The following SIDT1 variants were observed in gnomAD, a reference collection of about 807,000 sequenced individuals.
The protein encoded by SIDT1 is SID1 transmembrane family member 1, also known as SID1 transmembrane family, member 1.
In SIDT1, 101 loss-of-function variants were observed where a neutral mutation model predicts 107.5. The ratio of observed to expected loss-of-function variants is 0.94; its 90% CI spans 0.80 to 1.11. The LOEUF (loss-of-function observed/expected upper bound fraction) is 1.11. SIDT1 is among the 50% of genes least tolerant of loss of function. SIDT1 has a pLI of 0.00. For missense variants in SIDT1, 1,076 were observed against 1,058.2 expected, an observed-to-expected ratio of 1.02 and a Z score of -0.23; for synonymous variants, 395 against 398.2, an observed-to-expected ratio of 0.99 and a Z score of 0.10.
At chr3:113,602,309 T>G (rs1945013193) in intron 11 of SIDT1, 1 of 152,290 alleles carries the variant, frequency 6.6e-6, no homozygotes, top group African/African-American at 2.4e-5. Flanking sequence ...AATCCTGTAT[T>G]CCTGCCCTAT....
rs2107741518 is a variant in SIDT1, at chr3:113,613,138, G to A, written c.1966+944G>A. Among the ~76,000 whole-genome samples the A allele has an allele frequency of 1.3e-5, 2 of 152,338 alleles. 1 individual carries two copies. The highest frequency in any genetic ancestry group is 4.1e-4 in the South Asian group (2 of 4,826). On this transcript the variant is annotated intron_variant, in intron 19 of 24. Coordinates refer to ENST00000264852, the MANE Select transcript of SIDT1 (RefSeq NM_017699.3). ...TTGTGTCTTAAGGAGTCTCACAAGTGTGCATGTGGCACCTTTGCCCTACAT... is the reference window on the plus strand; with the variant it reads ...TTGTGTCTTAAGGAGTCTCACAAGTATGCATGTGGCACCTTTGCCCTACAT...
At chr3:113,586,316 G>C (rs1354187261) in intron 9 of SIDT1, among the ~76,000 whole-genome samples, 1 of 152,102 alleles carries the variant, frequency 6.6e-6, no homozygotes, top group African/African-American at 2.4e-5. Flanking sequence ...AAGGAAGGAA[G>C]GGCCTAAACA....
At chr3:113,558,807 T>C (rs1482836882) in intron 1 of SIDT1, among the ~76,000 whole-genome samples, 1 of 152,276 alleles carries the variant, frequency 6.6e-6, no homozygotes, top group Non-Finnish European at 1.5e-5. Flanking sequence ...TCTCAGATCC[T>C]TCCAAGTTCT....
At chr3:113,616,228 A>G (rs1279704575) in intron 20 of SIDT1, 52 bp downstream of exon 20, 1 of 1,393,818 alleles carries the variant, frequency 7.2e-7, no homozygotes, top group African/African-American at 1.4e-5. Context: ...GCAGGGGAAT[A>G]GTAGGAGGAA....
intron 3 of SIDT1, among the ~76,000 whole-genome samples, chr3:113,569,856 T>C (rs964735024): frequency 6.6e-6 from 1 of 152,184 alleles, no homozygotes; most frequent in African/African-American, 2.4e-5. Context: ...ATGCAGCCAG[T>C]GTTGCGAACC....
At chr3:113,561,880 G>A (rs1941461272) in intron 1 of SIDT1, among the ~76,000 whole-genome samples, 1 of 152,098 alleles carries the variant, frequency 6.6e-6, no homozygotes, top group African/African-American at 2.4e-5. Flanking sequence ...GGGAGGAGGA[G>A]GTTGCATCTT....
chr3:113,587,616 T>C (rs1479423616), intron 9 of SIDT1, among the ~76,000 whole-genome samples: 1 of 152,240 alleles, frequency 6.6e-6, no homozygotes, highest in Non-Finnish European at 1.5e-5. Flanking sequence ...AAAGCATGGT[T>C]CCATTTGCCT....
At chr3:113,536,046 A>T (rs1938116026) in intron 1 of SIDT1, among the ~76,000 whole-genome samples, 1 of 152,206 alleles carries the variant, frequency 6.6e-6, no homozygotes, top group Admixed American at 6.5e-5. Context: ...TCACAGCACA[A>T]GATAGGTGAT....
At position 113,542,373 on chromosome 3, in the gene SIDT1, G is replaced by A. The variant is rs115649040; in HGVS notation, c.222+9130G>A. Among the ~76,000 whole-genome samples, 361 of 151,516 alleles carry A rather than the reference G, an allele frequency of 2.4e-3. 2 individuals are homozygous for A. Among genetic ancestry groups the A allele is most frequent in the African/African-American group, 8.3e-3 (341 of 40,992 alleles). The stretch of plus-strand genomic sequence containing the variant: ...ATTTAGGGATTCTCTTTTTACTTAT[G>A]TTGGCCCTTCTTTGGGGTTTTCTAT... On this transcript the variant is annotated intron_variant, in intron 1 of 24. Transcript: ENST00000264852.
intron 1 of SIDT1, among the ~76,000 whole-genome samples, chr3:113,555,439 T>G (rs1940742080): frequency 6.6e-6 from 1 of 152,246 alleles, no homozygotes; most frequent in Admixed American, 6.5e-5. Context: ...GTCAAACATT[T>G]ATTGATTGAA....
At chr3:113,615,053 A>G (rs1465777733) in intron 19 of SIDT1, 4 of 1,535,272 alleles carry the variant, frequency 2.6e-6, no homozygotes, top group South Asian at 1.2e-5. Context: ...TCTGCTTCCT[A>G]CTGATTCAGA....
Position 113,616,169 on chromosome 3 carries a change from T to C in SIDT1, c.2036T>C (p.Leu679Pro). 6.2e-7 allele frequency: 1 copy of C among 1,611,532 alleles called. No homozygotes were observed. Among genetic ancestry groups the C allele is most frequent in the South Asian group, 1.1e-5 (1 of 91,032 alleles). Residue 679 changes from leucine to proline, a missense_variant, in exon 20 of 25, where the codon CTA (leucine) becomes CCA (proline). Coordinates refer to ENST00000264852, the MANE Select transcript of SIDT1 (RefSeq NM_017699.3). ...TGTATCCAGCAGTGTAGCCGACCTCTATATATGGTATGTGCATGTTCCTGT... is the reference window on the plus strand; with the variant it reads ...TGTATCCAGCAGTGTAGCCGACCTCCATATATGGTATGTGCATGTTCCTGT... ...TDCIQQCSRP[L>P]YMDRMVLLVV...
chr3:113,550,005 A>G (rs1455517027), intron 1 of SIDT1, among the ~76,000 whole-genome samples: 2 of 152,198 alleles, frequency 1.3e-5, no homozygotes, highest in African/African-American at 4.8e-5. Context: ...ATATCTCCCT[A>G]TATTTTTAGC....
In SIDT1 at chr3:113,584,714, C is replaced by G. The variant is rs1166711652; in HGVS notation, c.852C>G (p.Thr284=). The change falls in exon 8 of 25, where the codon ACC becomes ACG. Residue 284 remains threonine, a synonymous_variant. Transcript: ENST00000264852. ...SFFIQEKENQ[T]WNLQRKKNLE... is the part of the protein sequence containing the mutation. ...TTAAACCAGAAAAGGAAAACCAGAC[C>G]TGGAATCTACAGCGAAAAAAGAACC... 1 of 1,599,314 alleles carries G rather than the reference C, an allele frequency of 6.3e-7. No individual in the cohort carries two copies. The highest frequency in any genetic ancestry group is 8.5e-7 in the Non-Finnish European group (1 of 1,175,332).
At chr3:113,603,258 C>A in intron 12 of SIDT1, 108 bp downstream of exon 12, 2 of 1,144,304 alleles carry the variant, frequency 1.7e-6, no homozygotes, top group Non-Finnish European at 2.5e-6. Flanking sequence ...CAGGGAAACC[C>A]AAATTTCCCA....
chr3:113,635,122 A>G, the SIDT1 span, among the ~76,000 whole-genome samples: 1 of 152,250 alleles, frequency 6.6e-6, no homozygotes. Context: ...TCAGGTTACT[A>G]CTGGGAGCCT....
intron 1 of SIDT1, among the ~76,000 whole-genome samples, chr3:113,538,649 C>T (rs987471776): frequency 6.6e-6 from 1 of 152,168 alleles, no homozygotes; most frequent in Non-Finnish European, 1.5e-5. Context: ...AGAAAATTTT[C>T]AAACACACAT....
chr3:113,625,951 T>C, intron 23 of SIDT1, 151 bp from the exon 24 acceptor site: 1 of 647,464 alleles, frequency 1.5e-6, no homozygotes, highest in South Asian at 1.9e-5. Context: ...GAGGTCTTTG[T>C]GTACAGGTTT....
downstream of SIDT1, among the ~76,000 whole-genome samples, chr3:113,630,725 T>G (rs1308564525): frequency 1.3e-5 from 2 of 152,140 alleles, no homozygotes; most frequent in African/African-American, 4.8e-5. Flanking sequence ...TCTCAGATCC[T>G]CAGCTGGCAC....
Sources: allele counts gnomAD v4.1 joint callset (sites outside exome capture counted in the v4.1 genomes callset), GRCh38; gene constraint gnomAD v4.1.1; transcripts MANE v1.5; gene names NCBI Gene and HGNC (gene_info 2026-07-23, HGNC 2026-07-21).